The following MSRA variants were observed in gnomAD, a reference collection of about 807,000 sequenced individuals.
MSRA encodes the protein methionine sulfoxide reductase A.
MSRA carries 54 observed loss-of-function variants against 31.3 expected under a neutral mutation model. The observed-to-expected ratio is 1.73, with a 90% CI of 1.39 to 2.17. MSRA has a LOEUF of 2.17. Ranked by LOEUF, MSRA falls within the 30% of genes most tolerant of loss-of-function variation. The pLI is 0.00. For synonymous variants in MSRA, 169 were observed against 116.5 expected (o/e 1.45, Z -2.90); for missense variants, 507 against 300.9 (o/e 1.69, Z -5.07).
At chr8:10,070,952 T>C (rs1404848006) in intron 1 of MSRA, among the ~76,000 whole-genome samples, 2 of 152,256 alleles carry the variant, frequency 1.3e-5, no homozygotes, top group African/African-American at 4.8e-5. Flanking sequence ...GTGAAGCTGC[T>C]ATGAACATTC....
intron 3 of MSRA, among the ~76,000 whole-genome samples, chr8:10,278,748 T>C (rs936855848): frequency 8.5e-5 from 13 of 152,174 alleles, no homozygotes; most frequent in Non-Finnish European, 1.8e-4. Flanking sequence ...AGGGCAGAAA[T>C]GGTTAGTATT....
intron 3 of MSRA, among the ~76,000 whole-genome samples, chr8:10,246,284 C>G (rs1797619386): frequency 6.6e-6 from 1 of 152,202 alleles, no homozygotes. Flanking sequence ...CTATTCTAGG[C>G]TAACAGGGTA....
intron 1 of MSRA, among the ~76,000 whole-genome samples, chr8:10,148,390 G>A (rs1803347787): frequency 6.6e-6 from 1 of 151,446 alleles, no homozygotes; most frequent in African/African-American, 2.4e-5. Context: ...GCTCATGCCT[G>A]TAATCCCAGC....
At chr8:10,241,710 C>G (rs905663717) in intron 2 of MSRA, among the ~76,000 whole-genome samples, 1 of 152,064 alleles carries the variant, frequency 6.6e-6, no homozygotes. Context: ...AAAGAGACAA[C>G]TAGACATTTT....
intron 1 of MSRA, among the ~76,000 whole-genome samples, chr8:10,157,029 T>C (rs1465886142): frequency 6.6e-6 from 1 of 151,784 alleles, no homozygotes; most frequent in East Asian, 1.9e-4. Flanking sequence ...GGAGACAGGC[T>C]CAGGATGACA....
chr8:10,104,507 A>C (rs745363011), intron 1 of MSRA, among the ~76,000 whole-genome samples: 54 of 152,254 alleles, frequency 3.5e-4, no homozygotes, highest in Non-Finnish European at 7.2e-4. Flanking sequence ...AGGGGCTTCT[A>C]GGTCATAGGT....
At chr8:10,061,117 C>T (rs749400845) in intron 1 of MSRA, among the ~76,000 whole-genome samples, 28 of 152,164 alleles carry the variant, frequency 1.8e-4, no homozygotes, top group Non-Finnish European at 3.2e-4. Flanking sequence ...TGAGGGTATT[C>T]TGTACCTCCC....
chr8:10,134,531 A>C (rs922778693), intron 1 of MSRA, among the ~76,000 whole-genome samples: 1 of 152,198 alleles, frequency 6.6e-6, no homozygotes, highest in Non-Finnish European at 1.5e-5. Context: ...CACTGTCAGC[A>C]TGTGCTCCTG....
At chr8:10,242,948 C>G (rs556970392) in intron 2 of MSRA, among the ~76,000 whole-genome samples, 1 of 152,294 alleles carries the variant, frequency 6.6e-6, no homozygotes, top group South Asian at 2.1e-4. Context: ...CACCTGCATC[C>G]TGGTCATTCA....
intron 1 of MSRA, among the ~76,000 whole-genome samples, chr8:10,184,922 A>G (rs911027254): frequency 6.6e-6 from 1 of 152,236 alleles, no homozygotes; most frequent in African/African-American, 2.4e-5. Context: ...TCAAGGGTGA[A>G]CAAAGGGAGA....
intron 1 of MSRA, among the ~76,000 whole-genome samples, chr8:10,107,975 C>T (rs1800008274): frequency 6.6e-6 from 1 of 152,248 alleles, no homozygotes; most frequent in Non-Finnish European, 1.5e-5. Flanking sequence ...CATATTTAAC[C>T]CAGCTGTCCC....
chr8:10,194,346 C>T (rs1392554776), intron 1 of MSRA, among the ~76,000 whole-genome samples: 1 of 152,156 alleles, frequency 6.6e-6, no homozygotes, highest in Non-Finnish European at 1.5e-5. Flanking sequence ...ACAGGTGGAT[C>T]ACTTGAGGTC....
At chr8:10,176,919 T>A (rs962524409) in intron 1 of MSRA, among the ~76,000 whole-genome samples, 1 of 152,164 alleles carries the variant, frequency 6.6e-6, no homozygotes, top group Non-Finnish European at 1.5e-5. Flanking sequence ...CCTAAATAAT[T>A]TAGCTTCCTC....
At position 10,248,836 on chromosome 8, in the gene MSRA, C is replaced by G. The variant is rs541552648; in HGVS notation, c.331+3613C>G. Reference sequence around the variant, plus strand: ...TTGCACCCGACATGCGTAGAGAATACAAGGGGGCGGTCTCTTAGGAATTTA... The same window carrying G: ...TTGCACCCGACATGCGTAGAGAATAGAAGGGGGCGGTCTCTTAGGAATTTA... On this transcript the variant is annotated intron_variant, in intron 3 of 5. Transcript: ENST00000317173. Among the ~76,000 whole-genome samples the G allele has an allele frequency of 3.9e-5, 6 of 152,310 alleles. No homozygotes were observed. In the East Asian group the frequency reaches 1.2e-3, roughly 29 times the overall value.
rs1330419164 is a variant in MSRA, at chr8:10,319,768, C to A, written c.437-115C>A. 8.2e-6 allele frequency: 4 copies of A among 487,064 alleles called. No individual in the cohort carries two copies. The Admixed American group carries it at 1.3e-4, about 16-fold the overall frequency. The allele number at this position is 487,064 out of a possible 1,614,324, so 30.2% of individuals were successfully genotyped here. ...AAATTAAAACAAGCACTTAGCAACA[C>A]ATCAGGCACAGGGACCATATGAAAA... On this transcript the variant is annotated intron_variant, in intron 4 of 5. Coordinates refer to ENST00000317173, the MANE Select transcript of MSRA (RefSeq NM_012331.5).
chr8:10,304,772 G>A (rs1279011914), intron 4 of MSRA, among the ~76,000 whole-genome samples: 3 of 152,184 alleles, frequency 2.0e-5, no homozygotes, highest in African/African-American at 7.2e-5. Context: ...GAAGATGAGG[G>A]TGGTGAAGAT....
chr8:10,305,409 C>CTTTTTTTTTTTTTTTTTT (rs549346544), intron 4 of MSRA, among the ~76,000 whole-genome samples: 2 of 122,968 alleles, frequency 1.6e-5, no homozygotes, highest in African/African-American at 3.0e-5. Flanking sequence ...TGTTTTCTTC[C>CTTTTTTTTTTTTTTTTTT]TTTTTTTTTT....
chr8:10,138,715 G>A (rs776056906), intron 1 of MSRA, among the ~76,000 whole-genome samples: 1 of 152,096 alleles, frequency 6.6e-6, no homozygotes, highest in Non-Finnish European at 1.5e-5. Context: ...GAGGTTGCTC[G>A]CTGTTGATTT....
intron 5 of MSRA, among the ~76,000 whole-genome samples, chr8:10,383,601 T>C (rs927721181): frequency 6.6e-6 from 1 of 152,180 alleles, no homozygotes; most frequent in African/African-American, 2.4e-5. Flanking sequence ...TGTAAAAATG[T>C]TTTGGAAACC....
Sources: gnomAD v4.1 joint callset for allele counts (sites outside exome capture counted in the v4.1 genomes callset) on GRCh38, gnomAD v4.1.1 for gene constraint, MANE v1.5 for transcripts, NCBI Gene and HGNC (gene_info 2026-07-23, HGNC 2026-07-21) for gene names.